LPAR6: variants seen among roughly 807,000 people sequenced by gnomAD.
LPAR6 encodes the protein lysophosphatidic acid receptor 6, also known as G-protein coupled purinergic receptor P2Y5.
LPAR6 carries 17 observed loss-of-function variants against 22.0 expected under a neutral mutation model. That is an observed-to-expected ratio of 0.77 (90% CI 0.53 to 1.16). LPAR6 has a LOEUF of 1.16. Ranked by LOEUF, LPAR6 falls within the 50% of genes most tolerant of loss-of-function variation. LPAR6 has a pLI of 0.00. For synonymous variants in LPAR6, 136 were observed against 139.8 expected (o/e 0.97, Z 0.19); for missense variants, 384 against 406.9 (o/e 0.94, Z 0.48).
upstream of LPAR6, among the ~76,000 whole-genome samples, chr13:48,430,936 A>G (rs755368382): frequency 5.3e-5 from 8 of 152,154 alleles, no homozygotes; most frequent in South Asian, 2.1e-4. Flanking sequence ...ATAAAATAAT[A>G]TATTTAAAAA....
chr13:48,435,589 A>T (rs1208248041), intron 1 of LPAR6, among the ~76,000 whole-genome samples: 1 of 152,114 alleles, frequency 6.6e-6, no homozygotes, highest in African/African-American at 2.4e-5. Flanking sequence ...CCAGTTTATC[A>T]CTTTTTCCTT....
At chr13:48,392,886 T>C (rs1223674978) in intron 1 of LPAR6, among the ~76,000 whole-genome samples, 4 of 152,194 alleles carry the variant, frequency 2.6e-5, no homozygotes, top group African/African-American at 9.6e-5. Flanking sequence ...CCTTTCACTA[T>C]TTTGACCTGT....
chr13:48,424,658 A>G (rs1949054133), intron 1 of LPAR6, among the ~76,000 whole-genome samples: 1 of 152,078 alleles, frequency 6.6e-6, no homozygotes, highest in South Asian at 2.1e-4. Flanking sequence ...GAATCATATC[A>G]CGTCTTTTCT....
chr13:48,442,744 TCAAGTAAACCTGGACC>T (rs948481853), intron 1 of LPAR6, among the ~76,000 whole-genome samples: 8 of 152,200 alleles, frequency 5.3e-5, no homozygotes, highest in African/African-American at 1.9e-4. Context: ...TCAGACATCC[TCAAGTAAACCTGGACC>T]CAATTTTAGA....
chr13:48,394,295 G>A (rs1474422094), intron 1 of LPAR6, among the ~76,000 whole-genome samples: 2 of 152,168 alleles, frequency 1.3e-5, no homozygotes, highest in African/African-American at 4.8e-5. Flanking sequence ...CACCACCAGG[G>A]CCCTGGGTTT....
intron 1 of LPAR6, chr13:48,439,670 T>C (rs764328135): frequency 1.1e-4 from 17 of 152,162 alleles, no homozygotes; most frequent in Non-Finnish European, 1.6e-4. Flanking sequence ...TGTCAGCTAT[T>C]GAATGTGTTA....
In LPAR6 at chr13:48,411,453, T is replaced by C. The variant is rs1447289110; in HGVS notation, c.971A>G (p.Asn324Ser). ...GGTCTGTAGGTTATGCTGAATAAAA[T>C]TCTCTGCACCATGAACTTCAGAGAA... Reference protein sequence around the residue: ...FRFSEVHGAENFIQHNLQTLK... With the variant: ...FRFSEVHGAESFIQHNLQTLK... Residue 324 changes from asparagine (N) to serine (S), a missense_variant, in exon 1 of 1, where the codon AAT becomes AGT. Asn to Ser is a conservative substitution (Grantham distance 46). Coordinates refer to ENST00000620633, the MANE Select transcript of LPAR6 (RefSeq NM_001162498.3). The C allele has an allele frequency of 6.2e-7, 1 of 1,613,378 alleles. No homozygotes were observed. The highest frequency in any genetic ancestry group is 8.5e-7 in the Non-Finnish European group (1 of 1,179,716).
At chr13:48,394,999 C>T (rs959113360) in intron 1 of LPAR6, among the ~76,000 whole-genome samples, 1 of 152,154 alleles carries the variant, frequency 6.6e-6, no homozygotes, top group African/African-American at 2.4e-5. Context: ...CAGGAGAGTT[C>T]CAGCTGCCAT....
At chr13:48,425,798 G>A (rs1949071037) in intron 1 of LPAR6, among the ~76,000 whole-genome samples, 1 of 152,132 alleles carries the variant, frequency 6.6e-6, no homozygotes, top group Non-Finnish European at 1.5e-5. Flanking sequence ...TCAGCTCTTA[G>A]CTTTCTATCT....
intron 2 of LPAR6, among the ~76,000 whole-genome samples, chr13:48,421,338 C>T (rs2138242949): frequency 6.6e-6 from 1 of 152,256 alleles, no homozygotes; most frequent in East Asian, 1.9e-4. Flanking sequence ...AACTGGACCC[C>T]TTTCTTACAC....
chr13:48,414,459 T>G (rs551859155), upstream of LPAR6, among the ~76,000 whole-genome samples: 2 of 152,054 alleles, frequency 1.3e-5, no homozygotes, highest in South Asian at 4.1e-4. Flanking sequence ...ATTGAGGATA[T>G]CACAACCTCT....
intron 1 of LPAR6, among the ~76,000 whole-genome samples, chr13:48,395,573 T>A (rs1417677735): frequency 1.3e-5 from 2 of 151,526 alleles, no homozygotes; most frequent in Non-Finnish European, 2.9e-5. Flanking sequence ...CACGAGGACT[T>A]TGTGAAGCAT....
intron 1 of LPAR6, among the ~76,000 whole-genome samples, chr13:48,440,439 G>A (rs1949226011): frequency 6.6e-6 from 1 of 152,082 alleles, no homozygotes; most frequent in Non-Finnish European, 1.5e-5. Context: ...ATTTACTTAT[G>A]TACAAATAGC....
At chr13:48,437,984 A>G (rs1440243000) in intron 1 of LPAR6, among the ~76,000 whole-genome samples, 1 of 152,034 alleles carries the variant, frequency 6.6e-6, no homozygotes, top group Non-Finnish European at 1.5e-5. Context: ...AGTTAATTTG[A>G]CTCATGATAT....
intron 1 of LPAR6, among the ~76,000 whole-genome samples, chr13:48,401,719 A>T (rs1948693522): frequency 6.6e-6 from 1 of 152,194 alleles, no homozygotes; most frequent in African/African-American, 2.4e-5. Context: ...TCTTCCTGTA[A>T]GTGCTAGATT....
In LPAR6 at chr13:48,411,436, G is replaced by T. The variant is rs200554714; in HGVS notation, c.988C>A (p.Leu330Ile). Residue 330 changes from leucine to isoleucine, a missense_variant, in exon 1 of 1, where the codon CTA (leucine) becomes ATA (isoleucine). Leu to Ile is a conservative substitution (Grantham distance 5). Transcript: ENST00000620633. ...AATATCTTACTTTTTAAGGTCTGTA[G>T]GTTATGCTGAATAAAATTCTCTGCA... ...HGAENFIQHNLQTLKSKIFDN... is the reference protein window; with the variant it reads ...HGAENFIQHNIQTLKSKIFDN... 2.4e-5 allele frequency: 38 copies of T among 1,613,166 alleles called. No individual in the cohort carries two copies. The East Asian group carries it at 8.3e-4, about 35-fold the overall frequency.
At chr13:48,424,560 A>G (rs1197431178) in intron 1 of LPAR6, among the ~76,000 whole-genome samples, 1 of 151,998 alleles carries the variant, frequency 6.6e-6, no homozygotes, top group Non-Finnish European at 1.5e-5. Flanking sequence ...TTGAATAAGC[A>G]TATTTATCTG....
chr13:48,425,617 C>T (rs1203885343), intron 1 of LPAR6, among the ~76,000 whole-genome samples: 2 of 151,918 alleles, frequency 1.3e-5, no homozygotes, highest in African/African-American at 4.8e-5. Context: ...ACTCAGGAGG[C>T]AGAGGTAGGA....
intron 2 of LPAR6, among the ~76,000 whole-genome samples, chr13:48,419,819 C>G (rs951736897): frequency 6.6e-6 from 1 of 152,018 alleles, no homozygotes; most frequent in African/African-American, 2.4e-5. Flanking sequence ...ACACATACAC[C>G]CTCCCAAGAG....
Sources: gnomAD v4.1 joint callset for allele counts (sites outside exome capture counted in the v4.1 genomes callset) on GRCh38, gnomAD v4.1.1 for gene constraint, MANE v1.5 for transcripts, NCBI Gene and HGNC (gene_info 2026-07-23, HGNC 2026-07-21) for gene names.